The following VPS41 variants were observed in gnomAD, a reference collection of about 807,000 sequenced individuals.
VPS41 encodes vacuolar protein sorting-associated protein 41 homolog.
VPS41 carries 85 observed loss-of-function variants against 130.9 expected under a neutral mutation model. That is an observed-to-expected ratio of 0.65 (90% CI 0.55 to 0.78). VPS41 has a LOEUF of 0.78. VPS41 is among the 30% of genes least tolerant of loss of function. The probability of loss-of-function intolerance (pLI) is 0.00; values close to 1 mark genes in which losing one functional copy is unlikely to be tolerated. For missense variants in VPS41, 874 were observed against 1,018.7 expected (o/e 0.86, Z 1.93); for synonymous variants, 335 against 332.9 (o/e 1.01, Z -0.07).
At chr7:38,879,795 C>G (rs2190666) in intron 2 of VPS41, among the ~76,000 whole-genome samples, 1 of 151,616 alleles carries the variant, frequency 6.6e-6, no homozygotes, top group Admixed American at 6.6e-5. Context: ...TCCCCCACTG[C>G]GCACATGGAC....
At chr7:38,841,971 G>A (rs769219039) in intron 4 of VPS41, among the ~76,000 whole-genome samples, 11 of 152,180 alleles carry the variant, frequency 7.2e-5, no homozygotes, top group Non-Finnish European at 1.3e-4. Context: ...CTTAAACAGC[G>A]GTATTTTCAA....
chr7:38,895,229 T>A (rs1209379702), intron 2 of VPS41, among the ~76,000 whole-genome samples: 1 of 151,882 alleles, frequency 6.6e-6, no homozygotes, highest in Non-Finnish European at 1.5e-5. Context: ...GCCTGAAGCA[T>A]GAGAATCGCT....
At chr7:38,840,312 T>C (rs933612455) in intron 4 of VPS41, among the ~76,000 whole-genome samples, 1 of 152,194 alleles carries the variant, frequency 6.6e-6, no homozygotes, top group African/African-American at 2.4e-5. Context: ...AAAAGCGAAA[T>C]CCATCATTCT....
At chr7:38,827,659 C>T (rs928797166) in intron 5 of VPS41, among the ~76,000 whole-genome samples, 2 of 152,204 alleles carry the variant, frequency 1.3e-5, no homozygotes, top group South Asian at 4.1e-4. Flanking sequence ...CAACTTCACA[C>T]ACCAAGTGGG....
In VPS41 at chr7:38,730,983, T is replaced by C. The variant is rs534768052; in HGVS notation, c.2260-2192A>G. 2.6e-5 allele frequency among the ~76,000 whole-genome samples: 4 copies of C among 152,320 alleles called. No homozygotes were observed. The South Asian group carries it at 8.3e-4, about 32-fold the overall frequency. Reference sequence around the variant, plus strand: ...TACATTTTTCTAAACAGGTACAATCTGTCCGCCTGCAGATAGCATTTTCTA... The same window carrying C: ...TACATTTTTCTAAACAGGTACAATCCGTCCGCCTGCAGATAGCATTTTCTA... On this transcript the variant is annotated intron_variant, in intron 25 of 28. Transcript: ENST00000310301.
At chr7:38,889,536 T>TA (rs1386573606) in intron 2 of VPS41, among the ~76,000 whole-genome samples, 2 of 120,272 alleles carry the variant, frequency 1.7e-5, no homozygotes, top group East Asian at 2.4e-4. Context: ...TGTATCTGGT[T>TA]AAAAAAACAA....
chr7:38,829,396 T>C (rs3801132), intron 5 of VPS41, among the ~76,000 whole-genome samples: 85,403 of 152,070 alleles, frequency 0.56, 24,657 homozygotes, highest in East Asian at 0.89. Context: ...TTAGGGCACA[T>C]AATAAATACA....
chr7:38,870,858 C>T (rs2116344328), intron 2 of VPS41, among the ~76,000 whole-genome samples: 1 of 135,734 alleles, frequency 7.4e-6, no homozygotes, highest in South Asian at 2.5e-4. Context: ...AAATTTTTTA[C>T]ACTGAAAATG....
At chr7:38,800,666 T>C (rs761785615) in intron 7 of VPS41, among the ~76,000 whole-genome samples, 6 of 152,068 alleles carry the variant, frequency 3.9e-5, no homozygotes, top group Non-Finnish European at 8.8e-5. Context: ...AAACCCCGTC[T>C]CTACTAAAAA....
intron 10 of VPS41, among the ~76,000 whole-genome samples, chr7:38,785,701 G>T (rs547184927): frequency 6.6e-6 from 1 of 152,140 alleles, no homozygotes; most frequent in African/African-American, 2.4e-5. Context: ...CTACCTTGTT[G>T]CATCAACTAA....
intron 25 of VPS41, among the ~76,000 whole-genome samples, chr7:38,734,021 G>A (rs1191429629): frequency 1.3e-5 from 2 of 152,192 alleles, no homozygotes; most frequent in African/African-American, 4.8e-5. Flanking sequence ...GGGAGGTCAA[G>A]GCTACAGTGA....
intron 27 of VPS41, among the ~76,000 whole-genome samples, chr7:38,727,520 A>G (rs192645617): frequency 1.8e-4 from 28 of 152,304 alleles, no homozygotes; most frequent in Middle Eastern, 3.4e-3. Flanking sequence ...TGTCATCAGC[A>G]GAGTAAATTT....
intron 2 of VPS41, among the ~76,000 whole-genome samples, chr7:38,877,171 GA>G (rs1786509808): frequency 6.6e-6 from 1 of 152,122 alleles, no homozygotes; most frequent in African/African-American, 2.4e-5. Context: ...AAAGACCAGT[GA>G]AAACAAACGT....
chr7:38,741,875 A>G, intron 25 of VPS41, 110 bp downstream of exon 25: 2 of 1,238,186 alleles, frequency 1.6e-6, no homozygotes, highest in African/African-American at 1.5e-5. Flanking sequence ...ATAAAATGTA[A>G]CCATAAAATC....
At position 38,728,747 on chromosome 7, in the gene VPS41, A is replaced by C; in HGVS notation, c.2304T>G (p.Ser768=). Residue 768 remains serine, a synonymous_variant, in exon 26 of 29, where the codon TCT becomes TCG. Transcript: ENST00000310301. ...GGTGCATTTTCTTCAGTAAGGACAA[A>C]GAGTCAGCTACGAGAATCTTCTTGC... ...EGCKKILVAD[S]LSLLKKMHRT... 1 of 1,614,210 alleles carries C rather than the reference A, an allele frequency of 6.2e-7. No homozygotes were observed.
intron 1 of VPS41, among the ~76,000 whole-genome samples, chr7:38,902,843 C>T (rs183806447): frequency 6.6e-6 from 1 of 152,176 alleles, no homozygotes; most frequent in Admixed American, 6.5e-5. Flanking sequence ...AATATCAGAG[C>T]TTGGTTTTTA....
intron 4 of VPS41, among the ~76,000 whole-genome samples, chr7:38,839,027 G>C (rs1362957056): frequency 1.3e-5 from 2 of 152,172 alleles, no homozygotes; most frequent in Non-Finnish European, 2.9e-5. Context: ...CAAAAATGCT[G>C]CATCCCCACG....
intron 10 of VPS41, among the ~76,000 whole-genome samples, chr7:38,781,961 A>G (rs1784362201): frequency 6.6e-6 from 1 of 152,186 alleles, no homozygotes; most frequent in Non-Finnish European, 1.5e-5. Context: ...TTATGGATTT[A>G]ACGTTGCTTG....
intron 22 of VPS41, among the ~76,000 whole-genome samples, chr7:38,751,953 A>G (rs1001994893): frequency 1.3e-5 from 2 of 152,172 alleles, no homozygotes; most frequent in African/African-American, 4.8e-5. Context: ...TTCCAATTAA[A>G]CCTGTCACAG....
Sources: gnomAD v4.1 joint callset for allele counts (sites outside exome capture counted in the v4.1 genomes callset) on GRCh38, gnomAD v4.1.1 for gene constraint, MANE v1.5 for transcripts, NCBI Gene and HGNC (gene_info 2026-07-23, HGNC 2026-07-21) for gene names.